The following TDRD3 variants were observed in gnomAD, a reference collection of about 807,000 sequenced individuals.
TDRD3 encodes tudor domain-containing protein 3.
TDRD3 carries 45 observed loss-of-function variants against 86.7 expected under a neutral mutation model. The ratio of observed to expected loss-of-function variants is 0.52; its 90% confidence interval spans 0.41 to 0.67. The LOEUF (loss-of-function observed/expected upper bound fraction) is 0.67. Among genes scored for constraint, TDRD3 ranks in the 30% least tolerant of loss-of-function variants. The pLI is 0.00. For synonymous variants in TDRD3, 298 were observed against 301.7 expected (o/e 0.99, Z 0.13); for missense variants, 814 against 889.0 (o/e 0.92, Z 1.07).
chr13:60,481,949 T>G (rs1956327422), intron 5 of TDRD3, among the ~76,000 whole-genome samples: 1 of 152,240 alleles, frequency 6.6e-6, no homozygotes, highest in Non-Finnish European at 1.5e-5. Context: ...GAAAGGAGTA[T>G]CTAGCATAGC....
At chr13:60,462,601 G>A (rs1955825069) in intron 4 of TDRD3, among the ~76,000 whole-genome samples, 1 of 152,014 alleles carries the variant, frequency 6.6e-6, no homozygotes, top group African/African-American at 2.4e-5. Flanking sequence ...ACCTTACATG[G>A]GCTTTGCATT....
At chr13:60,543,083 CT>C (rs977974085) in intron 12 of TDRD3, among the ~76,000 whole-genome samples, 19 of 152,220 alleles carry the variant, frequency 1.2e-4, no homozygotes, top group Admixed American at 1.2e-3. Flanking sequence ...TGAAATAACT[CT>C]TTTAGTAGCC....
chr13:60,523,960 CT>C lies in TDRD3; in HGVS notation c.1142-4397del, dbSNP rs547474057. ...TAAATGTTACCCATTTCTACTTGTG[CT>C]TTTTTTTTTCCACCTTTTCCTTTGG... On this transcript the variant is annotated intron_variant, in intron 10 of 13. Coordinates refer to ENST00000377881, the MANE Select transcript of TDRD3 (RefSeq NM_001146070.2). 5.7e-3 allele frequency among the ~76,000 whole-genome samples: 850 copies of C among 148,508 alleles called. 3 individuals are homozygous for C. The highest frequency in any genetic ancestry group is 0.024 in the Middle Eastern group (7 of 290).
intron 12 of TDRD3, among the ~76,000 whole-genome samples, chr13:60,550,872 C>T (rs916193331): frequency 1.3e-5 from 2 of 152,114 alleles, no homozygotes; most frequent in African/African-American, 2.4e-5. Flanking sequence ...GAACACTCAA[C>T]TTTGTACCAG....
intron 12 of TDRD3, among the ~76,000 whole-genome samples, chr13:60,552,093 A>G (rs186806338): frequency 5.9e-5 from 9 of 152,348 alleles, no homozygotes; most frequent in East Asian, 1.9e-4. Flanking sequence ...TGTCTTCCCA[A>G]CAGTTCCCCA....
At chr13:60,531,163 A>G (rs998502094) in intron 11 of TDRD3, among the ~76,000 whole-genome samples, 1 of 152,220 alleles carries the variant, frequency 6.6e-6, no homozygotes, top group Non-Finnish European at 1.5e-5. Flanking sequence ...CTGGAAAAGC[A>G]AAAGCCTTCC....
chr13:60,479,709 A>G (rs1441584069), intron 5 of TDRD3, among the ~76,000 whole-genome samples: 1 of 152,204 alleles, frequency 6.6e-6, no homozygotes, highest in Non-Finnish European at 1.5e-5. Flanking sequence ...TAGGATAGCT[A>G]AGTCTTCTTA....
chr13:60,509,242 G>T (rs967034920), intron 8 of TDRD3, among the ~76,000 whole-genome samples: 18 of 151,884 alleles, frequency 1.2e-4, no homozygotes, highest in African/African-American at 4.3e-4. Flanking sequence ...TTCTTATTGG[G>T]GTATAGCTGT....
At chr13:60,516,844 C>T (rs1334958100) in intron 10 of TDRD3, among the ~76,000 whole-genome samples, 1 of 152,148 alleles carries the variant, frequency 6.6e-6, no homozygotes, top group African/African-American at 2.4e-5. Context: ...CTGTTTTTTG[C>T]AGAACCTTAT....
intron 1 of TDRD3, among the ~76,000 whole-genome samples, chr13:60,431,502 T>G (rs1954952081): frequency 6.6e-6 from 1 of 151,946 alleles, no homozygotes; most frequent in African/African-American, 2.4e-5. Flanking sequence ...TAAAATAAAT[T>G]TTTTGTTTGG....
chr13:60,419,440 C>T (rs1954603521), intron 1 of TDRD3, among the ~76,000 whole-genome samples: 1 of 152,106 alleles, frequency 6.6e-6, no homozygotes, highest in Non-Finnish European at 1.5e-5. Flanking sequence ...CCATGGAATA[C>T]TATGCAGCCA....
Position 60,485,787 on chromosome 13 carries a change from T to C in TDRD3, c.568-12T>C. ...AACTACTAAGTTGACTTATTCTTAC[T>C]TGTTTTACTAGAAGTGTGTATCTCA... On this transcript the variant is annotated splice_polypyrimidine_tract_variant and intron_variant, in intron 6 of 13. Coordinates refer to ENST00000377881, the MANE Select transcript of TDRD3 (RefSeq NM_001146070.2). 6.4e-7 allele frequency: 1 copy of C among 1,557,442 alleles called. No homozygotes were observed. The highest frequency in any genetic ancestry group is 2.0e-5 in the Admixed American group (1 of 50,388).
chr13:60,492,961 C>G (rs923083797), intron 7 of TDRD3, among the ~76,000 whole-genome samples: 2 of 147,132 alleles, frequency 1.4e-5, no homozygotes, highest in East Asian at 4.0e-4. Context: ...CTGTATCTCC[C>G]AGGTTGGAGT....
upstream of TDRD3, among the ~76,000 whole-genome samples, chr13:60,395,574 T>C (rs1953880624): frequency 6.6e-6 from 1 of 152,240 alleles, no homozygotes; most frequent in African/African-American, 2.4e-5. Context: ...TGGTAAATCC[T>C]TACTGAATCA....
At chr13:60,496,033 C>G (rs1045176355) in intron 8 of TDRD3, among the ~76,000 whole-genome samples, 1 of 151,824 alleles carries the variant, frequency 6.6e-6, no homozygotes, top group African/African-American at 2.4e-5. Context: ...TTGGGAAAGG[C>G]AGACCCACCC....
chr13:60,505,988 C>A (rs1407406228), intron 8 of TDRD3, among the ~76,000 whole-genome samples: 1 of 152,184 alleles, frequency 6.6e-6, no homozygotes, highest in Admixed American at 6.5e-5. Context: ...ACTTCCCCAA[C>A]CTAGCAAGAC....
rs1956671243 is a variant in TDRD3, at chr13:60,494,529, A to G, written c.812A>G (p.Lys271Arg). The change falls in exon 8 of 14, where the codon AAG becomes AGG. Residue 271 changes from lysine (K) to arginine (R), a missense_variant. Physicochemically the swap from Lys to Arg is conservative, Grantham distance 26 (BLOSUM62 2). Coordinates refer to ENST00000377881, the MANE Select transcript of TDRD3 (RefSeq NM_001146070.2). ...AATAGGGAAGTTTTACAGAAAGAAA[A>G]GTCAACCAAATCAGAGGGAAAACAT... ...NRNREVLQKE[K>R]STKSEGKHEG... 2 of 1,613,740 alleles carry G rather than the reference A, an allele frequency of 1.2e-6. No homozygotes were observed. Among genetic ancestry groups the G allele is most frequent in the African/African-American group, 1.3e-5 (1 of 74,924 alleles).
At chr13:60,549,612 G>T (rs1469907073) in intron 12 of TDRD3, among the ~76,000 whole-genome samples, 1 of 152,092 alleles carries the variant, frequency 6.6e-6, no homozygotes, top group African/African-American at 2.4e-5. Context: ...GTGGACAAAC[G>T]TGAGAGATAT....
chr13:60,511,683 T>G (rs569726816), intron 10 of TDRD3, among the ~76,000 whole-genome samples: 30 of 152,292 alleles, frequency 2.0e-4, no homozygotes, highest in African/African-American at 7.0e-4. Flanking sequence ...GGTGATGTTA[T>G]CAGAGACTTG....
Sources: gnomAD v4.1 joint callset for allele counts (sites outside exome capture counted in the v4.1 genomes callset) on GRCh38, gnomAD v4.1.1 for gene constraint, MANE v1.5 for transcripts, NCBI Gene and HGNC (gene_info 2026-07-23, HGNC 2026-07-21) for gene names.